PRELID2: variants seen among roughly 807,000 people sequenced by gnomAD.
The protein encoded by PRELID2 is PRELI domain containing 2.
In PRELID2, 25 loss-of-function variants were observed where a neutral mutation model predicts 28.4. The ratio of observed to expected loss-of-function variants is 0.88; its 90% CI spans 0.64 to 1.23. The LOEUF (loss-of-function observed/expected upper bound fraction) is 1.23. Ranked by LOEUF, PRELID2 falls within the 50% of genes most tolerant of loss-of-function variation. The pLI, the probability that PRELID2 is intolerant of heterozygous loss-of-function variation, is 0.00. For synonymous variants in PRELID2, 76 were observed against 71.6 expected (o/e 1.06, Z -0.31); for missense variants, 201 against 214.4 (o/e 0.94, Z 0.39).
downstream of PRELID2, among the ~76,000 whole-genome samples, chr5:145,753,526 A>G (rs1561574334): frequency 6.6e-6 from 1 of 152,192 alleles, no homozygotes; most frequent in Non-Finnish European, 1.5e-5. Context: ...TTGAGGTAAA[A>G]CACTAGAAAG....
At chr5:145,415,417 T>C in the PRELID2 span, among the ~76,000 whole-genome samples, 2 of 151,658 alleles carry the variant, frequency 1.3e-5, no homozygotes, top group African/African-American at 2.4e-5. Context: ...TATCACCTAA[T>C]TCTAACCCTC....
chr5:145,700,566 TAGGACCCAC>T (rs3995511), intron 1 of PRELID2, among the ~76,000 whole-genome samples: 21,003 of 152,042 alleles, frequency 0.14, 2,271 homozygotes, highest in African/African-American at 0.28. Flanking sequence ...CTGGGACCTC[TAGGACCCAC>T]AGCTGGTATC....
the PRELID2 span, among the ~76,000 whole-genome samples, chr5:145,292,784 T>G: frequency 6.6e-6 from 1 of 152,178 alleles, no homozygotes; most frequent in Admixed American, 6.6e-5. Context: ...CATAGCTCAC[T>G]GCAGCCTAAA....
chr5:145,391,838 G>T, the PRELID2 span, among the ~76,000 whole-genome samples: 6 of 152,054 alleles, frequency 3.9e-5, no homozygotes, highest in Non-Finnish European at 8.8e-5. Flanking sequence ...CTCTAGGGCA[G>T]GGGCAAAATG....
chr5:145,638,214 G>C (rs1285681379), intron 1 of PRELID2, among the ~76,000 whole-genome samples: 1 of 152,104 alleles, frequency 6.6e-6, no homozygotes, highest in Non-Finnish European at 1.5e-5. Flanking sequence ...CAACCACTGT[G>C]ATTTTACAAG....
intron 1 of PRELID2, among the ~76,000 whole-genome samples, chr5:145,555,917 G>A (rs1752876177): frequency 6.6e-6 from 1 of 152,046 alleles, no homozygotes; most frequent in Non-Finnish European, 1.5e-5. Flanking sequence ...GCCAGACATG[G>A]TGGCTCATGA....
chr5:145,382,496 T>C, the PRELID2 span, among the ~76,000 whole-genome samples: 1 of 151,968 alleles, frequency 6.6e-6, no homozygotes, highest in African/African-American at 2.4e-5. Context: ...ATACATTATA[T>C]ACAAGATAAT....
At chr5:145,817,206 A>ATATATATACATATATAT (rs1423577359) in intron 4 of PRELID2, among the ~76,000 whole-genome samples, 1 of 62,860 alleles carries the variant, frequency 1.6e-5, no homozygotes, top group Non-Finnish European at 4.1e-5. Flanking sequence ...AAAATAAATA[A>ATATATATACATATATAT]ATAAATAAAA....
intron 1 of PRELID2, among the ~76,000 whole-genome samples, chr5:145,551,756 G>A (rs1580975412): frequency 6.6e-6 from 1 of 152,272 alleles, no homozygotes; most frequent in East Asian, 1.9e-4. Context: ...CTTTACAAAA[G>A]TGTGGGCAGA....
the PRELID2 span, among the ~76,000 whole-genome samples, chr5:145,305,970 G>A: frequency 6.6e-6 from 1 of 152,134 alleles, no homozygotes; most frequent in African/African-American, 2.4e-5. Context: ...GAACACTGAG[G>A]TCAGAGAAAA....
intron 1 of PRELID2, among the ~76,000 whole-genome samples, chr5:145,511,116 C>A (rs10040423): frequency 6.6e-6 from 1 of 152,204 alleles, no homozygotes; most frequent in East Asian, 1.9e-4. Flanking sequence ...CAATCTCTAA[C>A]TGCTGTCCTG....
the PRELID2 span, among the ~76,000 whole-genome samples, chr5:145,259,551 A>G: frequency 6.6e-6 from 1 of 152,258 alleles, no homozygotes; most frequent in Non-Finnish European, 1.5e-5. Flanking sequence ...CTCTGCATTC[A>G]GTTAAGTCTA....
chr5:145,725,786 A>T (rs1433594380), intron 1 of PRELID2, among the ~76,000 whole-genome samples: 1 of 152,192 alleles, frequency 6.6e-6, no homozygotes, highest in Non-Finnish European at 1.5e-5. Flanking sequence ...ATTATATCTC[A>T]ACAGGCTGAC....
At chr5:145,592,469 T>C (rs1323173920) in intron 1 of PRELID2, among the ~76,000 whole-genome samples, 4 of 142,146 alleles carry the variant, frequency 2.8e-5, no homozygotes, top group Admixed American at 2.1e-4. Context: ...TACACACACA[T>C]ACATACACAC....
chr5:145,371,809 C>T, the PRELID2 span, among the ~76,000 whole-genome samples: 1 of 148,932 alleles, frequency 6.7e-6, no homozygotes, highest in Non-Finnish European at 1.5e-5. Flanking sequence ...ATCCCTGTTA[C>T]CATTTTTTAT....
chr5:145,375,292 C>G, the PRELID2 span, among the ~76,000 whole-genome samples: 1 of 152,026 alleles, frequency 6.6e-6, no homozygotes, highest in African/African-American at 2.4e-5. Context: ...TGGTTTGTAC[C>G]TGCATCTGAA....
At chr5:145,262,898 A>G in the PRELID2 span, among the ~76,000 whole-genome samples, 1 of 152,196 alleles carries the variant, frequency 6.6e-6, no homozygotes, top group African/African-American at 2.4e-5. Context: ...ACAGAATGGC[A>G]TAATGCATAA....
At chr5:145,278,731 A>G in the PRELID2 span, among the ~76,000 whole-genome samples, 4 of 152,128 alleles carry the variant, frequency 2.6e-5, no homozygotes, top group African/African-American at 7.2e-5. Context: ...GAACACAAGG[A>G]GGTAAGGGTC....
At chr5:145,687,116 GGAA>G (rs1245527502) in intron 1 of PRELID2, among the ~76,000 whole-genome samples, 2 of 152,142 alleles carry the variant, frequency 1.3e-5, no homozygotes, top group African/African-American at 4.8e-5. Context: ...AGGTTAACCT[GGAA>G]GAAGGTGTTC....
Sources: gnomAD v4.1 joint callset for allele counts (sites outside exome capture counted in the v4.1 genomes callset) on GRCh38, gnomAD v4.1.1 for gene constraint, MANE v1.5 for transcripts, NCBI Gene and HGNC (gene_info 2026-07-23, HGNC 2026-07-21) for gene names.